The following KLHL20 variants were observed in gnomAD, a reference collection of about 807,000 sequenced individuals.
The protein encoded by KLHL20 is kelch-like protein 20.
KLHL20 carries 29 observed loss-of-function variants against 69.5 expected under a neutral mutation model. That is an observed-to-expected ratio of 0.42 (90% CI 0.31 to 0.57). KLHL20 has a LOEUF of 0.57. Among genes scored for constraint, KLHL20 ranks in the 20% least tolerant of loss-of-function variants. KLHL20 has a pLI of 0.18. For missense variants in KLHL20, 419 were observed against 776.0 expected, an observed-to-expected ratio of 0.54 and a Z score of 5.47; for synonymous variants, 253 against 265.2, an observed-to-expected ratio of 0.95 and a Z score of 0.45.
chr1:173,781,895 A>C (rs1648902239), intron 10 of KLHL20: 1 of 382,938 alleles, frequency 2.6e-6, no homozygotes, highest in Non-Finnish European at 4.7e-6. Flanking sequence ...TCTAAAATTT[A>C]AGAAATACAT....
intron 3 of KLHL20, chr1:173,741,999 C>A: frequency 1.7e-6 from 1 of 572,458 alleles, no homozygotes. Flanking sequence ...AAAATTGTAA[C>A]TTGTATCATA....
chr1:173,755,439 A>G (rs1673508762), intron 5 of KLHL20, among the ~76,000 whole-genome samples: 1 of 152,108 alleles, frequency 6.6e-6, no homozygotes, highest in South Asian at 2.1e-4. Flanking sequence ...TTGAGAGTAA[A>G]CCATTCATAT....
chr1:173,751,868 A>G lies in KLHL20; in HGVS notation c.702A>G (p.Ala234=), dbSNP rs762129567. ...GCAGTGAAGAACAAGTGTTCAATGCAGTGATGGCCTGGGTCAAATACAGTA... is the reference window on the plus strand; with the variant it reads ...GCAGTGAAGAACAAGTGTTCAATGCGGTGATGGCCTGGGTCAAATACAGTA... ...NVRSEEQVFN[A]VMAWVKYSIQ... The change falls in exon 4 of 12, where the codon GCA becomes GCG. Residue 234 remains alanine (A), a synonymous_variant. Transcript: ENST00000209884. The G allele has an allele frequency of 2.5e-6, 4 of 1,614,070 alleles. No individual in the cohort carries two copies. Among genetic ancestry groups the G allele is most frequent in the South Asian group, 1.1e-5 (1 of 91,084 alleles).
At chr1:173,738,582 G>C (rs1672646773) in intron 3 of KLHL20, among the ~76,000 whole-genome samples, 2 of 152,106 alleles carry the variant, frequency 1.3e-5, no homozygotes, top group African/African-American at 4.8e-5. Context: ...AGTTCTCAGG[G>C]GGAATGCTTT....
intron 2 of KLHL20, among the ~76,000 whole-genome samples, chr1:173,723,218 A>G (rs1671797973): frequency 6.6e-6 from 1 of 152,130 alleles, no homozygotes; most frequent in Admixed American, 6.5e-5. Flanking sequence ...TGATTGTACC[A>G]CTGTTAATCA....
chr1:173,740,930 C>T (rs1672780456), intron 3 of KLHL20, among the ~76,000 whole-genome samples: 1 of 152,208 alleles, frequency 6.6e-6, no homozygotes, highest in South Asian at 2.1e-4. Flanking sequence ...CTGTTCTCCC[C>T]AAGGACCCCT....
chr1:173,775,896 T>C, intron 10 of KLHL20, 54 bp downstream of exon 10: 2 of 1,468,362 alleles, frequency 1.4e-6, no homozygotes, highest in Non-Finnish European at 1.9e-6. Context: ...TTAATAGTGC[T>C]GCAATAAACA....
intron 2 of KLHL20, among the ~76,000 whole-genome samples, chr1:173,717,582 T>A (rs1189815910): frequency 6.6e-6 from 1 of 152,214 alleles, no homozygotes; most frequent in African/African-American, 2.4e-5. Flanking sequence ...TAATGCTGGG[T>A]TTATACTCAG....
intron 7 of KLHL20, among the ~76,000 whole-genome samples, chr1:173,763,126 A>G (rs1647427982): frequency 6.6e-6 from 1 of 152,118 alleles, no homozygotes; most frequent in Non-Finnish European, 1.5e-5. Flanking sequence ...TTTTTTTTAC[A>G]ATAGCTGCAA....
Position 173,753,319 on chromosome 1 carries a change from C to A in KLHL20, c.851+12C>A. The A allele has an allele frequency of 6.3e-7, 1 of 1,594,884 alleles. No individual in the cohort carries two copies. The highest frequency in any genetic ancestry group is 1.1e-5 in the South Asian group (1 of 90,582). On this transcript the variant is annotated intron_variant, in intron 5 of 11. Coordinates refer to ENST00000209884, the MANE Select transcript of KLHL20 (RefSeq NM_014458.4). ...GATGAAGAATGCAGGTATGAGTGAC[C>A]CTGGATGGGAAAAATCAACAACTAA... is the stretch of plus-strand genomic sequence containing the variant.
chr1:173,729,751 C>G (rs1217224888), intron 2 of KLHL20, among the ~76,000 whole-genome samples: 1 of 152,156 alleles, frequency 6.6e-6, no homozygotes, highest in Non-Finnish European at 1.5e-5. Context: ...GACAAACCCA[C>G]AGCCAATATC....
chr1:173,782,032 T>A, intron 10 of KLHL20, 92 bp from the exon 11 acceptor site: 1 of 856,122 alleles, frequency 1.2e-6, no homozygotes, highest in Non-Finnish European at 1.9e-6. Context: ...TAAAGAATTA[T>A]CTTTTGTAAA....
chr1:173,718,962 G>A (rs1252419318), intron 2 of KLHL20, among the ~76,000 whole-genome samples: 3 of 151,830 alleles, frequency 2.0e-5, no homozygotes, highest in South Asian at 2.1e-4. Flanking sequence ...AAAATTAGCC[G>A]GGTGCGGTGG....
intron 10 of KLHL20, among the ~76,000 whole-genome samples, chr1:173,777,557 T>C (rs1199424962): frequency 1.3e-5 from 2 of 152,238 alleles, no homozygotes; most frequent in African/African-American, 4.8e-5. Context: ...CTGTCATATA[T>C]GGCTTTTATT....
intron 3 of KLHL20, chr1:173,741,647 C>A (rs931266498): frequency 5.6e-6 from 3 of 533,480 alleles, no homozygotes; most frequent in Non-Finnish European, 9.0e-6. Context: ...ATCGTCCTTT[C>A]TGGTGGTGAT....
intron 2 of KLHL20, among the ~76,000 whole-genome samples, chr1:173,732,376 AAG>A (rs1274080198): frequency 6.6e-6 from 1 of 152,116 alleles, no homozygotes; most frequent in Admixed American, 6.5e-5. Flanking sequence ...TAATCTGAAA[AAG>A]AGAGAGATTC....
At chr1:173,784,973 C>A (rs1649113712) in intron 11 of KLHL20, among the ~76,000 whole-genome samples, 190 bp from the exon 12 acceptor site, 1 of 152,158 alleles carries the variant, frequency 6.6e-6, no homozygotes, top group African/African-American at 2.4e-5. Context: ...TGAAACAGTC[C>A]TGCTACTCAA....
intron 2 of KLHL20, among the ~76,000 whole-genome samples, chr1:173,724,495 A>T (rs1671860875): frequency 6.6e-6 from 1 of 152,252 alleles, no homozygotes; most frequent in Non-Finnish European, 1.5e-5. Context: ...TATTTTAATT[A>T]AGAGGCATAG....
At chr1:173,734,519 TA>T (rs201082974) in intron 3 of KLHL20, 74 of 487,328 alleles carry the variant, frequency 1.5e-4, no homozygotes, top group East Asian at 2.2e-4. Context: ...TAAAAGTATT[TA>T]AAAAAAAATT....
Sources: allele counts gnomAD v4.1 joint callset (sites outside exome capture counted in the v4.1 genomes callset), GRCh38; gene constraint gnomAD v4.1.1; transcripts MANE v1.5; gene names NCBI Gene and HGNC (gene_info 2026-07-23, HGNC 2026-07-21).